Variants in APC2 observed in about 807,000 individuals in gnomAD.
APC2 encodes the protein adenomatous polyposis coli protein 2.
Under a neutral mutation model 72.5 loss-of-function variants are expected in APC2, and 41 were observed. That is an observed-to-expected ratio of 0.57 (90% CI 0.44 to 0.73). The LOEUF (loss-of-function observed/expected upper bound fraction) is 0.73, where lower values mean the gene tolerates loss of function less well. Among genes scored for constraint, APC2 ranks in the 30% least tolerant of loss-of-function variants. APC2 has a pLI of 0.00. For missense variants in APC2, 3,729 were observed against 3,403.4 expected (o/e 1.10, Z -2.38); for synonymous variants, 1,898 against 1,612.0 (o/e 1.18, Z -4.25).
Position 1,469,028 on chromosome 19 carries a change from CA to C in APC2, c.5731del (p.Thr1911ArgfsTer85). The part of the protein sequence containing the change: ...LPGPGASPVP[K>X]TPARTLLAKQ... The stretch of plus-strand genomic sequence containing the variant: ...CCGGCCCCGGAGCCTCCCCGGTGCC[CA>C]AAACGCCGGCGCGCACCCTTCTGGC... On this transcript the variant is annotated frameshift_variant, in exon 15 of 15. Transcript: ENST00000590469. LOFTEE classifies it low-confidence loss of function (END_TRUNC). 2 of 1,545,920 alleles carry C rather than the reference CA, an allele frequency of 1.3e-6. No individual in the cohort carries two copies. The highest frequency in any genetic ancestry group is 8.7e-7 in the Non-Finnish European group (1 of 1,148,488).
Position 1,462,182 on chromosome 19 carries a change from G to GCCGCC in APC2, c.1853+7_1853+8insGCCCC. The GCCGCC allele has an allele frequency of 1.3e-6, 2 of 1,535,428 alleles. No homozygotes were observed. The highest frequency in any genetic ancestry group is 1.8e-6 in the Non-Finnish European group (2 of 1,139,632). ...CGCCACCCGTGAGGACTACAGGTCGGCCCCCACCCCCCCACCCGCACACAG... is the reference window on the plus strand; with the variant it reads ...CGCCACCCGTGAGGACTACAGGTCGGCCGCCCCCCCACCCCCCCACCCGCACACAG... On this transcript the variant is annotated splice_donor_region_variant and intron_variant, in intron 14 of 14. Coordinates refer to ENST00000590469, the MANE Select transcript of APC2 (RefSeq NM_005883.3).
At position 1,457,242 on chromosome 19, in the gene APC2, C is replaced by T. The variant is rs1263239832; in HGVS notation, c.1206C>T (p.Ser402=). Residue 402 remains serine, a splice_region_variant and synonymous_variant, in exon 9 of 15, where the codon AGC becomes AGT. Coordinates refer to ENST00000590469, the MANE Select transcript of APC2 (RefSeq NM_005883.3). ...DGGPEGGGAG[S]APIPIEPQIC... ...GGCCCGAGGGAGGTGGCGCCGGCAGCGGTGAGTGCCTGGCCTGGTGGGCCC... is the reference window on the plus strand; with the variant it reads ...GGCCCGAGGGAGGTGGCGCCGGCAGTGGTGAGTGCCTGGCCTGGTGGGCCC... 3 of 1,524,762 alleles carry T rather than the reference C, an allele frequency of 2.0e-6. No individual in the cohort carries two copies. Among genetic ancestry groups the T allele is most frequent in the East Asian group, 5.1e-5 (2 of 38,922 alleles). 94.5% of individuals were successfully genotyped at this position (1,524,762 alleles called of 1,614,324 possible).
rs951548636 is a variant in APC2 at position 1,469,406 on chromosome 19, C to T, written c.6105C>T (p.Ala2035=). The change falls in exon 15 of 15, where the codon GCC becomes GCT. Residue 2035 remains alanine, a synonymous_variant. Coordinates refer to ENST00000590469, the MANE Select transcript of APC2 (RefSeq NM_005883.3). ...SPRRGRPALP[A]VFLCSSRCEE... The stretch of plus-strand genomic sequence containing the variant: ...GCCGCGGCCGGCCCGCGCTGCCCGC[C>T]GTCTTCCTCTGCTCCTCGCGCTGCG... 1.2e-5 allele frequency: 15 copies of T among 1,205,068 alleles called. No homozygotes were observed. The highest frequency in any genetic ancestry group is 1.5e-5 in the Non-Finnish European group (15 of 971,848). The allele number at this position is 1,205,068 out of a possible 1,614,324, so 74.6% of individuals were successfully genotyped here.
Position 1,469,661 on chromosome 19 carries a change from C to G in APC2, c.6360C>G (p.Ala2120=). The G allele has an allele frequency of 1.6e-6, 2 of 1,262,986 alleles. No individual in the cohort carries two copies. Among genetic ancestry groups the G allele is most frequent in the Non-Finnish European group, 2.0e-6 (2 of 1,009,216 alleles). The allele number at this position is 1,262,986 out of a possible 1,614,324, so 78.2% of individuals were successfully genotyped here. A position where few individuals can be genotyped will look rare whatever the true frequency, so the allele number is the denominator to read the frequency against. ...RPDGAVPAAP[A]SADAARRSSD... is the part of the protein sequence containing the mutation. ...ACGGCGCCGTCCCCGCGGCCCCTGCCTCAGCCGACGCCGCGCGCCGCAGCA... is the reference window on the plus strand; with the variant it reads ...ACGGCGCCGTCCCCGCGGCCCCTGCGTCAGCCGACGCCGCGCGCCGCAGCA... The change falls in exon 15 of 15, where the codon GCC becomes GCG. Residue 2120 remains alanine (A), a synonymous_variant. Transcript: ENST00000590469.
Position 1,467,158 on chromosome 19 carries a change from A to G in APC2, c.3857A>G (p.His1286Arg). The G allele has an allele frequency of 6.4e-7, 1 of 1,558,354 alleles. No individual in the cohort carries two copies. The highest frequency in any genetic ancestry group is 8.7e-7 in the Non-Finnish European group (1 of 1,152,460). Residue 1286 changes from histidine to arginine, a missense_variant, in exon 15 of 15, where the codon CAC becomes CGC. Transcript: ENST00000590469. ...CTCAGCGCGCTGGCCTTGCACGAGC[A>G]CTACGTGCAGCAGGACGTGGAGCTG... ...SSLSALALHEHYVQQDVELRL... is the reference protein window; with the variant it reads ...SSLSALALHERYVQQDVELRL...
intron 4 of APC2, 96 bp from the exon 5 acceptor site, chr19:1,455,053 T>G (rs2083799448): frequency 1.6e-6 from 1 of 634,052 alleles, no homozygotes; most frequent in Non-Finnish European, 2.4e-6. Context: ...CCTGTTAACC[T>G]TGGCATACAG....
chr19:1,463,064 T>C (rs1360777838), intron 14 of APC2, among the ~76,000 whole-genome samples: 3 of 150,476 alleles, frequency 2.0e-5, no homozygotes, highest in Non-Finnish European at 4.4e-5. Flanking sequence ...TCACCTGAGG[T>C]TGGGAGTTCA....
chr19:1,469,832 C>A lies in APC2; in HGVS notation c.6531C>A (p.Ala2177=). The A allele has an allele frequency of 6.6e-7, 1 of 1,520,732 alleles. No homozygotes were observed. Among genetic ancestry groups the A allele is most frequent in the Non-Finnish European group, 8.8e-7 (1 of 1,141,272 alleles). The allele number at this position is 1,520,732 out of a possible 1,614,324, so 94.2% of individuals were successfully genotyped here. The change falls in exon 15 of 15, where the codon GCC becomes GCA. Residue 2177 remains alanine (A), a synonymous_variant. Transcript: ENST00000590469. ...LPLRGSTPED[A]PAGPPPRKTS... ...TGCGGGGCTCCACGCCCGAGGACGCCCCGGCCGGGCCCCCGCCGCGCAAGA... is the reference window on the plus strand; with the variant it reads ...TGCGGGGCTCCACGCCCGAGGACGCACCGGCCGGGCCCCCGCCGCGCAAGA...
intron 14 of APC2, 32 bp from the exon 15 acceptor site, chr19:1,465,123 G>A: frequency 6.4e-7 from 1 of 1,574,088 alleles, no homozygotes; most frequent in South Asian, 1.2e-5. Context: ...AGGGTGGGGG[G>A]TGGCCCAGGC....
Position 1,465,272 on chromosome 19 carries a change from C to T in APC2, c.1971C>T (p.Ala657=), listed in dbSNP as rs955551730. Residue 657 remains alanine, a synonymous_variant, in exon 15 of 15, where the codon GCC becomes GCT. Transcript: ENST00000590469. The part of the protein sequence containing the change: ...GTLWNLSARS[A]RDQELLWDLG... Reference sequence around the variant, plus strand: ...TCTGGAACCTGTCGGCCCGCAGCGCCCGTGACCAGGAGCTGCTGTGGGACC... The same window carrying T: ...TCTGGAACCTGTCGGCCCGCAGCGCTCGTGACCAGGAGCTGCTGTGGGACC... The T allele has an allele frequency of 1.2e-6, 2 of 1,606,236 alleles. No homozygotes were observed. Among genetic ancestry groups the T allele is most frequent in the Non-Finnish European group, 1.7e-6 (2 of 1,179,092 alleles).
Position 1,458,008 on chromosome 19 carries a change from T to G in APC2, c.1251T>G (p.Ala417=). Residue 417 remains alanine (A), a synonymous_variant, in exon 10 of 15, where the codon GCT becomes GCG. Transcript: ENST00000590469. The stretch of plus-strand genomic sequence containing the variant: ...CGCAGATCTGCCAGGCCACCTGTGC[T>G]GTTATGAAGCTGTCCTTTGATGAGG... The part of the protein sequence containing the change: ...IEPQICQATC[A]VMKLSFDEEY... The G allele has an allele frequency of 6.4e-7, 1 of 1,567,432 alleles. No individual in the cohort carries two copies. The highest frequency in any genetic ancestry group is 1.3e-5 in the African/African-American group (1 of 74,332).
At chr19:1,446,488 C>A, upstream of APC2, 1 of 552,338 alleles carries the variant, frequency 1.8e-6, no homozygotes, top group Non-Finnish European at 2.3e-6. The surrounding 1 kb of genome is among the most constrained non-coding windows in gnomAD (Gnocchi z 6.1). Context: ...CTAGTGCCGT[C>A]GCCGTAGAGA....
In APC2 at chr19:1,468,634, A is replaced by C. The variant is rs765956663; in HGVS notation, c.5333A>C (p.Gln1778Pro). 1.3e-6 allele frequency: 2 copies of C among 1,599,926 alleles called. No individual in the cohort carries two copies. Among genetic ancestry groups the C allele is most frequent in the African/African-American group, 2.7e-5 (2 of 74,574 alleles). Residue 1778 changes from glutamine (Q) to proline (P), a missense_variant, in exon 15 of 15, where the codon CAG (glutamine) becomes CCG (proline). Coordinates refer to ENST00000590469, the MANE Select transcript of APC2 (RefSeq NM_005883.3). ...GGCCCCGAGAAGCCACGTGGCACACAGAAGACCACGCCCGGGGTGCCAGCT... is the reference window on the plus strand; with the variant it reads ...GGCCCCGAGAAGCCACGTGGCACACCGAAGACCACGCCCGGGGTGCCAGCT... ...PAGPEKPRGT[Q>P]KTTPGVPAVL...
At chr19:1,447,563 C>T (rs2083698713), upstream of APC2, among the ~76,000 whole-genome samples, 1 of 151,104 alleles carries the variant, frequency 6.6e-6, no homozygotes, top group Non-Finnish European at 1.5e-5. Flanking sequence ...CTCCTGAAGT[C>T]CTAGGGGGCT....
intron 11 of APC2, among the ~76,000 whole-genome samples, chr19:1,460,541 C>T (rs2083906463): frequency 6.6e-6 from 1 of 152,240 alleles, no homozygotes; most frequent in Non-Finnish European, 1.5e-5. Flanking sequence ...CACCCTGTTG[C>T]TGCCTCTGCA....
rs754425285 is a variant in APC2 at position 1,465,792 on chromosome 19, A to G, written c.2491A>G (p.Lys831Glu). The change falls in exon 15 of 15, where the codon AAG (lysine) becomes GAG (glutamate). Residue 831 changes from lysine to glutamate, a missense_variant. Physicochemically the swap from Lys to Glu is moderately conservative, Grantham distance 56 (BLOSUM62 1). Transcript: ENST00000590469. ...PTRRGGKEAE[K>E]DTSGEAAVAA... is the part of the protein sequence containing the mutation. Reference sequence around the variant, plus strand: ...CCGCCGAGGCGGCAAGGAGGCAGAGAAGGACACCAGTGGGGAGGCAGCCGT... The same window carrying G: ...CCGCCGAGGCGGCAAGGAGGCAGAGGAGGACACCAGTGGGGAGGCAGCCGT... The G allele has an allele frequency of 6.1e-5, 96 of 1,581,244 alleles. No individual in the cohort carries two copies. The highest frequency in any genetic ancestry group is 7.9e-5 in the Non-Finnish European group (92 of 1,165,432).
Position 1,460,870 on chromosome 19 carries a change from G to A in APC2, c.1521+13G>A, listed in dbSNP as rs777523742. 2 of 1,613,116 alleles carry A rather than the reference G, an allele frequency of 1.2e-6. No homozygotes were observed. The highest frequency in any genetic ancestry group is 1.1e-5 in the South Asian group (1 of 91,076). On this transcript the variant is annotated intron_variant, in intron 12 of 14. Coordinates refer to ENST00000590469, the MANE Select transcript of APC2 (RefSeq NM_005883.3). Reference sequence around the variant, plus strand: ...GGAGCTCCACCAGGTACAGGGCGGGGTGCTGGGAAAGCCTTCCAGGGTGTC... The same window carrying A: ...GGAGCTCCACCAGGTACAGGGCGGGATGCTGGGAAAGCCTTCCAGGGTGTC...
chr19:1,468,361 G>A lies in APC2; in HGVS notation c.5060G>A (p.Arg1687His), dbSNP rs1371636976. 6.4e-7 allele frequency: 1 copy of A among 1,569,634 alleles called. No individual in the cohort carries two copies. Residue 1687 changes from arginine to histidine, a missense_variant, in exon 15 of 15, where the codon CGC becomes CAC. Physicochemically the swap from Arg to His is conservative, Grantham distance 29. Coordinates refer to ENST00000590469, the MANE Select transcript of APC2 (RefSeq NM_005883.3). ...TCCGACCTGGATAGCGTGGAGTGGC[G>A]CGCCATCCAGGAGGGCGCCAATTCA... ...RASDLDSVEW[R>H]AIQEGANSIV... is the part of the protein sequence containing the mutation.
At position 1,460,773 on chromosome 19, in the gene APC2, C is replaced by T. The variant is rs1171885819; in HGVS notation, c.1444-7C>T. ...CCCCGTGACCCCGGCTGCATAACCC[C>T]CAACAGGCCACCCTGTGTGCGCGCC... On this transcript the variant is annotated splice_region_variant and splice_polypyrimidine_tract_variant and intron_variant, in intron 11 of 14. Coordinates refer to ENST00000590469, the MANE Select transcript of APC2 (RefSeq NM_005883.3). The T allele has an allele frequency of 1.9e-6, 3 of 1,612,504 alleles. No homozygotes were observed. The highest frequency in any genetic ancestry group is 1.7e-6 in the Non-Finnish European group (2 of 1,179,624).
Sources: allele counts gnomAD v4.1 joint callset (sites outside exome capture counted in the v4.1 genomes callset), GRCh38; gene constraint gnomAD v4.1.1; non-coding constraint Gnocchi (gnomAD v3.1); transcripts MANE v1.5; gene names NCBI Gene and HGNC (gene_info 2026-07-23, HGNC 2026-07-21).